SCTR: variants seen among roughly 807,000 people sequenced by gnomAD.
The protein encoded by SCTR is pancreatic secretin receptor.
A neutral mutation model predicts 60.8 loss-of-function variants in SCTR; 56 were observed. That is an observed-to-expected ratio of 0.92 (90% CI 0.74 to 1.15). The LOEUF (loss-of-function observed/expected upper bound fraction) is 1.15, where lower values mean the gene tolerates loss of function less well. SCTR is among the 50% of genes most tolerant of loss of function. SCTR has a pLI of 0.00. For synonymous variants in SCTR, 202 were observed against 217.0 expected (o/e 0.93, Z 0.61); for missense variants, 562 against 550.4 (o/e 1.02, Z -0.21).
At chr2:119,519,828 GAAAA>G (rs1200116142) in intron 1 of SCTR, among the ~76,000 whole-genome samples, 5 of 55,858 alleles carry the variant, frequency 9.0e-5, no homozygotes, top group Admixed American at 2.2e-4. Flanking sequence ...AAAAAAAAAA[GAAAA>G]AAAGAAAAGA....
chr2:119,469,288 G>C (rs904127422), intron 4 of SCTR, among the ~76,000 whole-genome samples: 1 of 152,188 alleles, frequency 6.6e-6, no homozygotes, highest in Admixed American at 6.5e-5. Flanking sequence ...GCCTGCAAGA[G>C]CCTGAAGAGG....
chr2:119,489,063 G>C (rs1678012171), intron 2 of SCTR, among the ~76,000 whole-genome samples: 1 of 152,192 alleles, frequency 6.6e-6, no homozygotes, highest in East Asian at 1.9e-4. Flanking sequence ...TGCCCAGAGG[G>C]GAGCAGGAAC....
intron 1 of SCTR, among the ~76,000 whole-genome samples, chr2:119,503,845 C>T (rs577426939): frequency 1.6e-4 from 25 of 152,134 alleles, no homozygotes; most frequent in South Asian, 4.2e-4. Context: ...ATAAATAAAC[C>T]ACATTGATGC....
chr2:119,520,423 A>G (rs1375494391), intron 1 of SCTR, among the ~76,000 whole-genome samples: 2 of 152,156 alleles, frequency 1.3e-5, no homozygotes, highest in African/African-American at 4.8e-5. Flanking sequence ...CACTTGAGCC[A>G]GGAAGTTCAA....
chr2:119,472,551 A>G (rs1183302515), intron 4 of SCTR, among the ~76,000 whole-genome samples: 4 of 152,198 alleles, frequency 2.6e-5, no homozygotes, highest in Non-Finnish European at 5.9e-5. Flanking sequence ...CGATTGCCGA[A>G]GGGAGCATCC....
Position 119,461,727 on chromosome 2 carries a change from A to G in SCTR, c.790+120T>C, listed in dbSNP as rs1273810853. The G allele has an allele frequency of 1.2e-5, 9 of 755,006 alleles. No individual in the cohort carries two copies. In the East Asian group the frequency reaches 2.8e-4, roughly 24 times the overall value. 46.8% of individuals were successfully genotyped at this position (755,006 alleles called of 1,614,324 possible). A position where few individuals can be genotyped will look rare whatever the true frequency, so the allele number is the denominator to read the frequency against. ...ACTCCAACTCAAAAAAAAAAAAAAA[A>G]AAAAAGATTACACAAGTTAGTTAAG... On this transcript the variant is annotated intron_variant, in intron 7 of 12. Coordinates refer to ENST00000019103, the MANE Select transcript of SCTR (RefSeq NM_002980.3).
chr2:119,461,420 T>A (rs1400316721), intron 7 of SCTR, among the ~76,000 whole-genome samples: 1 of 152,172 alleles, frequency 6.6e-6, no homozygotes, highest in Non-Finnish European at 1.5e-5. Context: ...TGTCTAAGAT[T>A]ACACAAGTTA....
intron 2 of SCTR, among the ~76,000 whole-genome samples, chr2:119,489,022 C>T (rs968907516): frequency 1.3e-5 from 2 of 152,136 alleles, no homozygotes; most frequent in African/African-American, 2.4e-5. Context: ...GTCTTTTCCT[C>T]GAACCGTGAG....
intron 6 of SCTR, among the ~76,000 whole-genome samples, chr2:119,462,438 T>A (rs953920126): frequency 6.6e-6 from 1 of 152,190 alleles, no homozygotes; most frequent in Admixed American, 6.5e-5. Context: ...TGCAAACACA[T>A]AATGAAGGGA....
chr2:119,511,061 G>A (rs770277602), intron 1 of SCTR, among the ~76,000 whole-genome samples: 4 of 152,144 alleles, frequency 2.6e-5, no homozygotes, highest in Non-Finnish European at 5.9e-5. Flanking sequence ...AAATTAGCCA[G>A]GCGTGATGGC....
chr2:119,520,495 C>G (rs1679255159), intron 1 of SCTR, among the ~76,000 whole-genome samples: 1 of 152,186 alleles, frequency 6.6e-6, no homozygotes, highest in Non-Finnish European at 1.5e-5. Context: ...TAATTACCAG[C>G]TCTGCAGGCA....
At chr2:119,516,294 T>C (rs1679113883) in intron 1 of SCTR, among the ~76,000 whole-genome samples, 1 of 152,152 alleles carries the variant, frequency 6.6e-6, no homozygotes, top group African/African-American at 2.4e-5. Flanking sequence ...CTATTCACCA[T>C]TGCCAAGATG....
At chr2:119,488,736 G>A (rs541915583) in intron 2 of SCTR, among the ~76,000 whole-genome samples, 24 of 152,326 alleles carry the variant, frequency 1.6e-4, no homozygotes, top group African/African-American at 5.8e-4. Context: ...GAAGGGCTGG[G>A]ACAGAGAGGC....
chr2:119,454,688 T>C (rs535285850), intron 7 of SCTR, among the ~76,000 whole-genome samples: 7 of 152,094 alleles, frequency 4.6e-5, no homozygotes, highest in African/African-American at 1.7e-4. Context: ...ACCCTGTCTC[T>C]ATTAAAAAAA....
intron 7 of SCTR, among the ~76,000 whole-genome samples, chr2:119,454,299 C>T (rs1046885202): frequency 6.6e-6 from 1 of 152,250 alleles, no homozygotes; most frequent in South Asian, 2.1e-4. Flanking sequence ...GATAAGCACC[C>T]CAGGCGGCCA....
At chr2:119,481,259 G>A (rs1051420944) in intron 2 of SCTR, among the ~76,000 whole-genome samples, 1 of 152,194 alleles carries the variant, frequency 6.6e-6, no homozygotes, top group Non-Finnish European at 1.5e-5. Context: ...CCTGTTTTTA[G>A]GCATCAATCT....
chr2:119,448,545 C>T lies in SCTR; in HGVS notation c.1013+144G>A, dbSNP rs866620870. ...CTAAAATCAGACCATTCCCCGCAAC[C>T]GCCCCCATGTACCTGGTAAACTTCT... On this transcript the variant is annotated intron_variant, in intron 10 of 12. Transcript: ENST00000019103. 24 of 616,666 alleles carry T rather than the reference C, an allele frequency of 3.9e-5. 1 individual carries two copies. In the Middle Eastern group the frequency reaches 3.9e-3, roughly 99 times the overall value. 38.2% of individuals were successfully genotyped at this position (616,666 alleles called of 1,614,324 possible).
At chr2:119,452,997 G>C (rs1054868357) in intron 8 of SCTR, among the ~76,000 whole-genome samples, 2 of 152,132 alleles carry the variant, frequency 1.3e-5, no homozygotes, top group African/African-American at 4.8e-5. Context: ...TTCTTCCATG[G>C]AGCAACACCT....
chr2:119,444,186 A>ATATATACACATATGTATATATACATATGG lies in SCTR; in HGVS notation c.1140+2572_1140+2573insCCATATGTATATATACATATGTGTATATA, dbSNP rs1558830661. Among the ~76,000 whole-genome samples, 138 of 139,962 alleles carry ATATATACACATATGTATATATACATATGG rather than the reference A, an allele frequency of 9.9e-4. 3 individuals are homozygous for ATATATACACATATGTATATATACATATGG. Among genetic ancestry groups the ATATATACACATATGTATATATACATATGG allele is most frequent in the African/African-American group, 3.9e-3 (131 of 33,826 alleles). 91.8% of individuals were successfully genotyped at this position (139,962 alleles called of 152,430 possible). Reference sequence around the variant, plus strand: ...ATACACATATGTATATATACATATGAATATATACACATATGTATATATACA... The same window carrying ATATATACACATATGTATATATACATATGG: ...ATACACATATGTATATATACATATGATATATACACATATGTATATATACATATGGATATATACACATATGTATATATACA... On this transcript the variant is annotated intron_variant, in intron 11 of 12. Transcript: ENST00000019103.
Sources: gnomAD v4.1 joint callset for allele counts (sites outside exome capture counted in the v4.1 genomes callset) on GRCh38, gnomAD v4.1.1 for gene constraint, MANE v1.5 for transcripts, NCBI Gene and HGNC (gene_info 2026-07-23, HGNC 2026-07-21) for gene names.